Variants in GDF1 observed in about 807,000 individuals in gnomAD.
The protein encoded by GDF1 is growth differentiation factor 1.
A neutral mutation model predicts 7.4 loss-of-function variants in GDF1; 8 were observed. That is an observed-to-expected ratio of 1.09 (90% CI 0.64 to 1.96). The LOEUF (loss-of-function observed/expected upper bound fraction) is 1.96, where lower values mean the gene tolerates loss of function less well. Ranked by LOEUF, GDF1 falls within the 30% of genes most tolerant of loss-of-function variation. GDF1 has a pLI of 0.00. For synonymous variants in GDF1, 311 were observed against 276.7 expected (o/e 1.12, Z -1.23); for missense variants, 574 against 551.5 (o/e 1.04, Z -0.41).
chr19:18,868,555 CGCG>C lies in GDF1; in HGVS notation c.*39_*41del. ...CCAAGGAGACCAGCGGAGCAGACCA[CGCG>C]GCATTTATTGTTGGGCCCGCGTCCC... On this transcript the variant is annotated 3_prime_UTR_variant, in exon 8 of 8. Coordinates refer to ENST00000247005, the MANE Select transcript of GDF1 (RefSeq NM_001492.6). 6.9e-7 allele frequency: 1 copy of C among 1,453,864 alleles called. No homozygotes were observed. 90.1% of individuals were successfully genotyped at this position (1,453,864 alleles called of 1,614,324 possible).
In GDF1 at chr19:18,868,869, G is replaced by C; in HGVS notation, c.847C>G (p.Arg283Gly). The change falls in exon 8 of 8, where the codon CGC (arginine) becomes GGC (glycine). Residue 283 changes from arginine (R) to glycine (G), a missense_variant. Transcript: ENST00000247005. ...YVSFREVGWHRWVIAPRGFLA... is the reference protein window; with the variant it reads ...YVSFREVGWHGWVIAPRGFLA... The stretch of plus-strand genomic sequence containing the variant: ...AAGCCGCGCGGCGCGATGACCCAGC[G>C]GTGCCAGCCCACCTCGCGGAAGCTC... The C allele has an allele frequency of 6.9e-7, 1 of 1,439,946 alleles. No homozygotes were observed. Among genetic ancestry groups the C allele is most frequent in the South Asian group, 1.2e-5 (1 of 80,874 alleles). 89.2% of individuals were successfully genotyped at this position (1,439,946 alleles called of 1,614,324 possible).
At chr19:18,875,046 GTAA>G (rs1176686879) in intron 6 of GDF1, among the ~76,000 whole-genome samples, 1 of 151,934 alleles carries the variant, frequency 6.6e-6, no homozygotes, top group African/African-American at 2.4e-5. Context: ...ACCAAACTGG[GTAA>G]TATAGTGAGA....
chr19:18,893,968 C>G (rs2056561907), intron 1 of GDF1, among the ~76,000 whole-genome samples: 1 of 151,858 alleles, frequency 6.6e-6, no homozygotes, highest in South Asian at 2.1e-4. Context: ...TTGGGAAACA[C>G]AGAGAGCCCC....
chr19:18,893,149 G>A (rs949596194), intron 2 of GDF1, among the ~76,000 whole-genome samples: 4 of 152,170 alleles, frequency 2.6e-5, no homozygotes, highest in Middle Eastern at 3.4e-3. Context: ...TCCTAACCTC[G>A]TGATCCACTC....
chr19:18,871,268 C>G (rs1037437462), intron 6 of GDF1, among the ~76,000 whole-genome samples: 1 of 145,366 alleles, frequency 6.9e-6, no homozygotes, highest in African/African-American at 2.6e-5. Flanking sequence ...GCTCTGTTGC[C>G]TAGTCTGGAG....
At position 18,884,227 on chromosome 19, in the gene GDF1, G is replaced by A. The variant is rs201106410; in HGVS notation, c.-873C>T. 1.8e-3 allele frequency: 2,939 copies of A among 1,613,398 alleles called. 4 individuals are homozygous for A. The highest frequency in any genetic ancestry group is 2.5e-3 in the Admixed American group (152 of 59,958). ...AGAAGCTTCCCTGGAGCAGGTAGGC[G>A]GCTGCAATGTCCCGTGGCACTGCCA... On this transcript the variant is annotated 5_prime_UTR_variant, in exon 3 of 8. Transcript: ENST00000247005.
chr19:18,888,867 CT>C (rs1287998330), intron 2 of GDF1, among the ~76,000 whole-genome samples: 4 of 151,234 alleles, frequency 2.6e-5, no homozygotes, highest in Admixed American at 6.6e-5. Flanking sequence ...AAACCCTCCC[CT>C]ATTCCAGAAT....
intron 3 of GDF1, among the ~76,000 whole-genome samples, chr19:18,883,712 G>A (rs542318228): frequency 4.6e-5 from 7 of 152,242 alleles, no homozygotes; most frequent in Admixed American, 1.3e-4. Flanking sequence ...TGTCAGCTGC[G>A]TTCACAGCCA....
At chr19:18,894,235 T>TAA (rs2056569347) in intron 1 of GDF1, among the ~76,000 whole-genome samples, 4 of 92,746 alleles carry the variant, frequency 4.3e-5, no homozygotes, top group Admixed American at 1.4e-4. Context: ...AAGGCAGGGG[T>TAA]TGGGGAGTGC....
rs1185015299 is a variant in GDF1, at chr19:18,896,007, T to C, written c.-1257A>G. On this transcript the variant is annotated 5_prime_UTR_variant, in exon 1 of 8. Transcript: ENST00000247005. This position sits in a 1 kb window ranked among gnomAD's most constrained non-coding sequence, Gnocchi z 5.9. ...GCGCGCTGCCCCAGCCGCGCTGCAC[T>C]AGCTGCGCGTAGCTCGGCATGGGCT... is the stretch of plus-strand genomic sequence containing the variant. 21 of 1,011,380 alleles carry C rather than the reference T, an allele frequency of 2.1e-5. No homozygotes were observed. Among genetic ancestry groups the C allele is most frequent in the African/African-American group, 7.0e-5 (4 of 56,778 alleles). 62.7% of individuals were successfully genotyped at this position (1,011,380 alleles called of 1,614,324 possible).
intron 1 of GDF1, among the ~76,000 whole-genome samples, chr19:18,894,544 G>A (rs1197393410): frequency 6.6e-6 from 1 of 152,136 alleles, no homozygotes; most frequent in Non-Finnish European, 1.5e-5. Flanking sequence ...GGCCCTGGTA[G>A]TCTACCAGCC....
chr19:18,888,528 A>C (rs1568304669), intron 2 of GDF1, among the ~76,000 whole-genome samples: 1 of 147,982 alleles, frequency 6.8e-6, no homozygotes, highest in African/African-American at 2.5e-5. Flanking sequence ...TTAAAAAAAA[A>C]AAAAAAAAAA....
chr19:18,874,492 G>A (rs2056027607), intron 6 of GDF1, among the ~76,000 whole-genome samples: 1 of 152,178 alleles, frequency 6.6e-6, no homozygotes, highest in Admixed American at 6.5e-5. Flanking sequence ...CTGCTGCAGG[G>A]GCAGTGGCAG....
rs542061949 is a variant in GDF1, at chr19:18,877,130, T to C, written c.-313+1800A>G. Among the ~76,000 whole-genome samples, 101 of 152,344 alleles carry C rather than the reference T, an allele frequency of 6.6e-4. No homozygotes were observed. In the South Asian group the frequency reaches 0.02, roughly 31 times the overall value. Reference sequence around the variant, plus strand: ...AATCGAATTCTGCTGGTGGTGCCTATGGGATCAATCATCACAGGGTGTTCC... The same window carrying C: ...AATCGAATTCTGCTGGTGGTGCCTACGGGATCAATCATCACAGGGTGTTCC... On this transcript the variant is annotated intron_variant, in intron 6 of 7. Transcript: ENST00000247005.
Position 18,870,430 on chromosome 19 carries a change from A to T in GDF1, c.-123T>A. On this transcript the variant is annotated 5_prime_UTR_variant, in exon 7 of 8. Coordinates refer to ENST00000247005, the MANE Select transcript of GDF1 (RefSeq NM_001492.6). This position sits in a 1 kb window ranked among gnomAD's most constrained non-coding sequence, Gnocchi z 5.1. ...CCTGGGGGGCGTGGCCGGGAACTGG[A>T]GGCAGGATGAGGGGGCGGGGTCCCA... 2.4e-6 allele frequency: 2 copies of T among 822,342 alleles called. No homozygotes were observed. Among genetic ancestry groups the T allele is most frequent in the Non-Finnish European group, 3.6e-6 (2 of 559,450 alleles). The allele number at this position is 822,342 out of a possible 1,614,324, so 50.9% of individuals were successfully genotyped here. A position where few individuals can be genotyped will look rare whatever the true frequency, so the allele number is the denominator to read the frequency against.
At position 18,895,786 on chromosome 19, in the gene GDF1, T is replaced by C; in HGVS notation, c.-1074+38A>G. 2 of 1,123,580 alleles carry C rather than the reference T, an allele frequency of 1.8e-6. No individual in the cohort carries two copies. The highest frequency in any genetic ancestry group is 2.2e-6 in the Non-Finnish European group (2 of 897,058). The allele number at this position is 1,123,580 out of a possible 1,614,324, so 69.6% of individuals were successfully genotyped here. ...GGTCCCCGGTCCCGGCTTCCCCCAG[T>C]CCGGGGTCCCCTCGTCCCGGCCCCC... On this transcript the variant is annotated intron_variant, in intron 1 of 7. Coordinates refer to ENST00000247005, the MANE Select transcript of GDF1 (RefSeq NM_001492.6). This position sits in a 1 kb window ranked among gnomAD's most constrained non-coding sequence, Gnocchi z 6.4.
Position 18,878,837 on chromosome 19 carries a change from T to C in GDF1, c.-313+93A>G, listed in dbSNP as rs2056116662. On this transcript the variant is annotated intron_variant, in intron 6 of 7. Coordinates refer to ENST00000247005, the MANE Select transcript of GDF1 (RefSeq NM_001492.6). This position sits in a 1 kb window ranked among gnomAD's most constrained non-coding sequence, Gnocchi z 4.6. Reference sequence around the variant, plus strand: ...GGGGGCAGCATCCGCGTCGGCCTCATCTGCTGCTGGGTCTTGGGGGCCTGC... The same window carrying C: ...GGGGGCAGCATCCGCGTCGGCCTCACCTGCTGCTGGGTCTTGGGGGCCTGC... The C allele has an allele frequency of 6.5e-7, 1 of 1,540,026 alleles. No individual in the cohort carries two copies. Among genetic ancestry groups the C allele is most frequent in the African/African-American group, 1.4e-5 (1 of 73,258 alleles).
chr19:18,869,955 C>T (rs1352922645), intron 7 of GDF1, 28 bp downstream of exon 7: 27 of 1,560,546 alleles, frequency 1.7e-5, no homozygotes, highest in Non-Finnish European at 2.3e-5. Flanking sequence ...CCTCCAGGAC[C>T]AGTGTCCCCA....
At chr19:18,888,722 C>T (rs1052920385) in intron 2 of GDF1, among the ~76,000 whole-genome samples, 18 of 151,036 alleles carry the variant, frequency 1.2e-4, no homozygotes, top group Non-Finnish European at 2.5e-4. Flanking sequence ...CCCAGCTACT[C>T]CGGAGGCTGA....
Sources: gnomAD v4.1 joint callset for allele counts (sites outside exome capture counted in the v4.1 genomes callset) on GRCh38, gnomAD v4.1.1 for gene constraint, Gnocchi (gnomAD v3.1) non-coding constraint, MANE v1.5 for transcripts, NCBI Gene and HGNC (gene_info 2026-07-23, HGNC 2026-07-21) for gene names.